Variants in SLC12A5 observed in about 807,000 individuals in gnomAD.
The protein encoded by SLC12A5 is K-Cl cotransporter 2.
A neutral mutation model predicts 124.0 loss-of-function variants in SLC12A5; 18 were observed. The ratio of observed to expected loss-of-function variants is 0.15; its 90% CI spans 0.10 to 0.22. SLC12A5 has a LOEUF of 0.22. SLC12A5 is among the 10% of genes least tolerant of loss of function. The pLI, the probability that SLC12A5 is intolerant of heterozygous loss-of-function variation, is 1.00. For synonymous variants in SLC12A5, 589 were observed against 568.0 expected (o/e 1.04, Z -0.53); for missense variants, 867 against 1,478.7 (o/e 0.59, Z 6.78).
chr20:46,056,825 C>G lies in SLC12A5; in HGVS notation c.3111-72C>G. 1.3e-6 allele frequency: 2 copies of G among 1,519,692 alleles called. No homozygotes were observed. Among genetic ancestry groups the G allele is most frequent in the East Asian group, 4.5e-5 (2 of 44,476 alleles). The allele number at this position is 1,519,692 out of a possible 1,614,324, so 94.1% of individuals were successfully genotyped here. A position where few individuals can be genotyped will look rare whatever the true frequency, so the allele number is the denominator to read the frequency against. ...CAGGGCAGATGACCATGGCCCAAGC[C>G]CCCAGTGTCTTCCTCTTTTTCTGAC... On this transcript the variant is annotated intron_variant, in intron 23 of 25. Coordinates refer to ENST00000243964, the MANE Select transcript of SLC12A5 (RefSeq NM_020708.5). The surrounding 1 kb of genome is among the most constrained non-coding windows in gnomAD (Gnocchi z 4.3).
intron 4 of SLC12A5, 109 bp downstream of exon 4, chr20:46,036,032 C>A: frequency 1.5e-6 from 2 of 1,328,422 alleles, no homozygotes; most frequent in East Asian, 2.5e-5. Flanking sequence ...TTTATAGGAA[C>A]CACTGCTTAT....
At position 46,035,791 on chromosome 20, in the gene SLC12A5, C is replaced by G; in HGVS notation, c.294C>G (p.Gly98=). The change falls in exon 4 of 26, where the codon GGC becomes GGG. Residue 98 remains glycine (G), a synonymous_variant. Coordinates refer to ENST00000243964, the MANE Select transcript of SLC12A5 (RefSeq NM_020708.5). ...KKKPVQAPRM[G]TFMGVYLPCL... Reference sequence around the variant, plus strand: ...CTCCCTGGCAGGCCCCACGCATGGGCACCTTCATGGGCGTGTACCTGCCGT... The same window carrying G: ...CTCCCTGGCAGGCCCCACGCATGGGGACCTTCATGGGCGTGTACCTGCCGT... 1 of 1,613,216 alleles carries G rather than the reference C, an allele frequency of 6.2e-7. No individual in the cohort carries two copies. Among genetic ancestry groups the G allele is most frequent in the Non-Finnish European group, 8.5e-7 (1 of 1,179,410 alleles).
intron 14 of SLC12A5, among the ~76,000 whole-genome samples, chr20:46,047,237 G>A (rs1447065510): frequency 6.6e-6 from 1 of 152,184 alleles, no homozygotes; most frequent in Non-Finnish European, 1.5e-5. Context: ...AGTTGGGCAG[G>A]GCATTGGGTA....
chr20:46,037,197 C>A, intron 5 of SLC12A5, 58 bp from the exon 6 acceptor site: 1 of 1,540,504 alleles, frequency 6.5e-7, no homozygotes, highest in Non-Finnish European at 8.8e-7. Flanking sequence ...ACACCCCTCA[C>A]CCCTTACGGC....
At chr20:46,027,506 T>C (rs937113721), upstream of SLC12A5, among the ~76,000 whole-genome samples, 2 of 152,210 alleles carry the variant, frequency 1.3e-5, no homozygotes, top group Admixed American at 6.5e-5. Context: ...AATGGCTCTT[T>C]AGGATTTTTG....
Position 46,043,496 on chromosome 20 carries a change from T to C in SLC12A5, c.1238-137T>C, listed in dbSNP as rs1435708926. ...TAAGGCCAGGAGAAGCTAAGTAACA[T>C]GTCCAAGGTCTCACACAAGCCAGTA... is the stretch of plus-strand genomic sequence containing the variant. On this transcript the variant is annotated intron_variant, in intron 9 of 25. Transcript: ENST00000243964. 12 of 1,167,506 alleles carry C rather than the reference T, an allele frequency of 1.0e-5. No homozygotes were observed. The African/African-American group carries it at 1.7e-4, about 16-fold the overall frequency. 72.3% of individuals were successfully genotyped at this position (1,167,506 alleles called of 1,614,324 possible).
At chr20:46,027,695 G>A (rs578130062), upstream of SLC12A5, 1 of 152,248 alleles carries the variant, frequency 6.6e-6, no homozygotes, top group African/African-American at 2.4e-5. Context: ...GAGGGGCATG[G>A]ATATGACTGC....
chr20:46,028,698 G>A (rs1169793966), upstream of SLC12A5, among the ~76,000 whole-genome samples: 2 of 152,152 alleles, frequency 1.3e-5, no homozygotes, highest in Non-Finnish European at 2.9e-5. Context: ...CCCCACTTCA[G>A]GGCTGGCCTC....
At chr20:46,040,684 C>G (rs2084538121) in intron 7 of SLC12A5, 70 bp downstream of exon 7, 2 of 1,576,856 alleles carry the variant, frequency 1.3e-6, no homozygotes, top group Non-Finnish European at 1.7e-6. Flanking sequence ...GAGTCTCTGC[C>G]AAACTCCCCC....
rs1010149623 is a variant in SLC12A5, at chr20:46,034,134, C to G, written c.53-814C>G. 1.1e-4 allele frequency among the ~76,000 whole-genome samples: 17 copies of G among 152,152 alleles called. 1 individual carries two copies. Among genetic ancestry groups the G allele is most frequent in the African/African-American group, 4.1e-4 (17 of 41,422 alleles). On this transcript the variant is annotated intron_variant, in intron 1 of 25. Transcript: ENST00000243964. ...CAGATCATACTTCATTCCTCTAACC[C>G]ACTCTATTCACTGTCACCTCTGGGC...
At chr20:46,021,832 T>G (rs2084357406), upstream of SLC12A5, 6 of 1,532,366 alleles carry the variant, frequency 3.9e-6, no homozygotes, top group Non-Finnish European at 5.2e-6. Flanking sequence ...TGACCCAGAG[T>G]CCCGCCGGCA....
At chr20:46,041,300 C>A in intron 7 of SLC12A5, 29 bp from the exon 8 acceptor site, 1 of 1,608,448 alleles carries the variant, frequency 6.2e-7, no homozygotes, top group Non-Finnish European at 8.5e-7. Flanking sequence ...ATGTGGCTCC[C>A]CACCTTCCTC....
chr20:46,031,230 A>G (rs562564323), intron 1 of SLC12A5, among the ~76,000 whole-genome samples: 1 of 152,300 alleles, frequency 6.6e-6, no homozygotes, highest in South Asian at 2.1e-4. Context: ...GAGTTGAACT[A>G]GGAACTCGCT....
rs1477557927 is a variant in SLC12A5 at position 46,056,437 on chromosome 20, G to C, written c.2983G>C (p.Gly995Arg). ...SSPSPGEEPEGEGETDPEKVH... is the reference protein window; with the variant it reads ...SSPSPGEEPEREGETDPEKVH... ...CCCGTCCCCAGGGGAGGAGCCTGAG[G>C]GGGAAGGGGAGACAGATCCGGAGAA... The change falls in exon 23 of 26, where the codon GGG becomes CGG. Residue 995 changes from glycine to arginine, a missense_variant. Physicochemically the swap from Gly to Arg is moderately radical, Grantham distance 125. This residue lies in a region of SLC12A5 where 180 missense variants were observed against 243.6 expected (regional missense o/e 0.74). Transcript: ENST00000243964. The surrounding 1 kb of genome is among the most constrained non-coding windows in gnomAD (Gnocchi z 4.3). 6.2e-7 allele frequency: 1 copy of C among 1,614,082 alleles called. No homozygotes were observed. Among genetic ancestry groups the C allele is most frequent in the South Asian group, 1.1e-5 (1 of 91,066 alleles).
Position 46,057,231 on chromosome 20 carries a change from AAATCCCGGGACGCC to A in SLC12A5, c.3190_3203del (p.Ser1064AlafsTer16). The A allele has an allele frequency of 6.2e-7, 1 of 1,614,210 alleles. No homozygotes were observed. Among genetic ancestry groups the A allele is most frequent in the Non-Finnish European group, 8.5e-7 (1 of 1,180,042 alleles). ...GCGGCTGAACGAGGTCATCGTGAAG[AAATCCCGGGACGCC>A]AAGCTTGTTTTGCTCAACATGCCTG... On this transcript the variant is annotated frameshift_variant, in exon 25 of 26. Transcript: ENST00000243964. LOFTEE classifies it high-confidence loss of function. This position sits in a 1 kb window ranked among gnomAD's most constrained non-coding sequence, Gnocchi z 7.1.
Position 46,053,268 on chromosome 20 carries a change from TG to T in SLC12A5, c.2547+145del, listed in dbSNP as rs2084662186. 3.2e-6 allele frequency: 3 copies of T among 928,546 alleles called. No individual in the cohort carries two copies. The highest frequency in any genetic ancestry group is 3.5e-5 in the South Asian group (2 of 57,420). The allele number at this position is 928,546 out of a possible 1,614,324, so 57.5% of individuals were successfully genotyped here. On this transcript the variant is annotated intron_variant, in intron 19 of 25. Coordinates refer to ENST00000243964, the MANE Select transcript of SLC12A5 (RefSeq NM_020708.5). The surrounding 1 kb of genome is among the most constrained non-coding windows in gnomAD (Gnocchi z 4.7). The stretch of plus-strand genomic sequence containing the variant: ...GTGTCCTTCCTCCCCTGTAAACTCC[TG>T]GGAAAGGGATCTGCTGACCTACTTC...
At chr20:46,055,712 G>T (rs1332832537) in intron 21 of SLC12A5, 1 of 186,076 alleles carries the variant, frequency 5.4e-6, no homozygotes, top group African/African-American at 2.4e-5. Flanking sequence ...GAGTCTCCCA[G>T]GGGTGGGTAA....
intron 1 of SLC12A5, among the ~76,000 whole-genome samples, chr20:46,029,858 C>CTGTGTGTGTGTGTGTG (rs3080279): frequency 3.0e-5 from 4 of 133,090 alleles, no homozygotes; most frequent in African/African-American, 1.2e-4. Flanking sequence ...GAAGAGGTGG[C>CTGTGTGTGTGTGTGTG]TGTGTGTGTG....
chr20:46,032,320 G>A (rs1225869162), intron 1 of SLC12A5, among the ~76,000 whole-genome samples: 1 of 152,220 alleles, frequency 6.6e-6, no homozygotes, highest in Non-Finnish European at 1.5e-5. Context: ...CTTGGGAGGG[G>A]GTGTGAAAGG....
Sources: gnomAD v4.1 joint callset for allele counts (sites outside exome capture counted in the v4.1 genomes callset) on GRCh38, gnomAD v4.1.1 for gene constraint, gnomAD v4.1.1 regional missense constraint, Gnocchi (gnomAD v3.1) non-coding constraint, MANE v1.5 for transcripts, NCBI Gene and HGNC (gene_info 2026-07-23, HGNC 2026-07-21) for gene names.